NFRKB: variants seen among roughly 807,000 people sequenced by gnomAD.
NFRKB encodes the protein nuclear factor related to kappaB binding protein.
A neutral mutation model predicts 135.7 loss-of-function variants in NFRKB; 62 were observed. That is an observed-to-expected ratio of 0.46 (90% CI 0.37 to 0.56). The LOEUF is 0.56. NFRKB is among the 20% of genes least tolerant of loss of function. NFRKB has a pLI of 0.00. For synonymous variants in NFRKB, 678 were observed against 635.6 expected (o/e 1.07, Z -1.00); for missense variants, 1,545 against 1,662.0 (o/e 0.93, Z 1.22).
chr11:129,878,672 C>A, intron 13 of NFRKB, 129 bp from the exon 14 acceptor site: 1 of 780,412 alleles, frequency 1.3e-6, no homozygotes, highest in Non-Finnish European at 2.1e-6. Context: ...CAATCCTTCA[C>A]ACATCCACTG....
chr11:129,882,247 G>A (rs1169903235), intron 10 of NFRKB, 53 bp from the exon 11 acceptor site: 3 of 1,495,322 alleles, frequency 2.0e-6, no homozygotes, highest in African/African-American at 1.4e-5. Context: ...CACATCCCTA[G>A]ATTGATTCAG....
At position 129,864,561 on chromosome 11, in the gene NFRKB, C is replaced by T. The variant is rs1028927397; in HGVS notation, c.*164G>A. ...TTTCTCAGGGTGCTCCACTATGGCACGTGGCAGCAGAATCCAGGCCACGAA... is the reference window on the plus strand; with the variant it reads ...TTTCTCAGGGTGCTCCACTATGGCATGTGGCAGCAGAATCCAGGCCACGAA... On this transcript the variant is annotated 3_prime_UTR_variant, in exon 27 of 27. Transcript: ENST00000682444. 14 of 881,268 alleles carry T rather than the reference C, an allele frequency of 1.6e-5. No individual in the cohort carries two copies. In the Admixed American group the frequency reaches 1.7e-4, roughly 11 times the overall value. The allele number at this position is 881,268 out of a possible 1,614,324, so 54.6% of individuals were successfully genotyped here.
At chr11:129,882,240 A>C in intron 10 of NFRKB, 46 bp from the exon 11 acceptor site, 1 of 1,514,688 alleles carries the variant, frequency 6.6e-7, no homozygotes, top group Non-Finnish European at 9.0e-7. Context: ...CCAAGAACAC[A>C]TCCCTAGATT....
At chr11:129,890,629 G>C (rs1315973162) in intron 3 of NFRKB, among the ~76,000 whole-genome samples, 1 of 152,200 alleles carries the variant, frequency 6.6e-6, no homozygotes, top group African/African-American at 2.4e-5. Context: ...CTCCACACCT[G>C]TATGTTCAAA....
intron 2 of NFRKB, among the ~76,000 whole-genome samples, chr11:129,893,637 C>T (rs1949659414): frequency 6.6e-6 from 1 of 151,654 alleles, no homozygotes; most frequent in Admixed American, 6.6e-5. Context: ...TGAAAATCAA[C>T]ATACACTAGT....
chr11:129,892,796 T>C lies in NFRKB; in HGVS notation c.54A>G (p.Gly18=). 1 of 1,614,196 alleles carries C rather than the reference T, an allele frequency of 6.2e-7. No individual in the cohort carries two copies. Among genetic ancestry groups the C allele is most frequent in the African/African-American group, 1.3e-5 (1 of 75,052 alleles). Residue 18 remains glycine, a synonymous_variant, in exon 3 of 27, where the codon GGA becomes GGG. Transcript: ENST00000682444. ...CCATGATGCGCGTGCCATGGCCATC[T>C]CCACACGGACCAAGTTCCAGAGGAT... ...LTDPLELGPC[G]DGHGTRIMED...
At position 129,869,892 on chromosome 11, in the gene NFRKB, T is replaced by A; in HGVS notation, c.3133A>T (p.Thr1045Ser). ...GCTTCTGTTGGCTTGAGGTCAGGAGTCACTTTGACCACAGTGGTACCTGTT... is the reference window on the plus strand; with the variant it reads ...GCTTCTGTTGGCTTGAGGTCAGGAGACACTTTGACCACAGTGGTACCTGTT... ...TPTGTTVVKV[T>S]PDLKPTEASS... The change falls in exon 24 of 27, where the codon ACT becomes TCT. Residue 1045 changes from threonine (T) to serine (S), a missense_variant. Transcript: ENST00000682444. The A allele has an allele frequency of 1.2e-6, 2 of 1,614,152 alleles. No homozygotes were observed. The highest frequency in any genetic ancestry group is 1.6e-4 in the Middle Eastern group (1 of 6,062).
Position 129,864,505 on chromosome 11 carries a change from G to C in NFRKB, c.*220C>G. On this transcript the variant is annotated 3_prime_UTR_variant, in exon 27 of 27. Coordinates refer to ENST00000682444, the MANE Select transcript of NFRKB (RefSeq NM_001143835.2). ...AACAGAATATTCTCCTAGATTGGTA[G>C]AGAGCAGACCTTGGAACCCTGGAGT... 1.8e-6 allele frequency: 1 copy of C among 552,664 alleles called. No homozygotes were observed. Among genetic ancestry groups the C allele is most frequent in the Non-Finnish European group, 3.2e-6 (1 of 312,126 alleles). 34.2% of individuals were successfully genotyped at this position (552,664 alleles called of 1,614,324 possible).
Position 129,881,860 on chromosome 11 carries a change from G to C in NFRKB, c.1192-7C>G. 1 of 1,592,774 alleles carries C rather than the reference G, an allele frequency of 6.3e-7. No homozygotes were observed. Among genetic ancestry groups the C allele is most frequent in the South Asian group, 1.1e-5 (1 of 87,110 alleles). On this transcript the variant is annotated splice_polypyrimidine_tract_variant and splice_region_variant and intron_variant, in intron 11 of 26. Coordinates refer to ENST00000682444, the MANE Select transcript of NFRKB (RefSeq NM_001143835.2). ...CCAAAACTCGCTCCTCTAGCTGAGG[G>C]AAAGCAAAGGCAGAACCCAGTCAGA...
chr11:129,887,762 G>A (rs1033858364), intron 4 of NFRKB, among the ~76,000 whole-genome samples: 10 of 152,248 alleles, frequency 6.6e-5, no homozygotes, highest in African/African-American at 2.4e-4. Flanking sequence ...TGAAGGCCGG[G>A]TGCGGTGGCT....
At position 129,865,891 on chromosome 11, in the gene NFRKB, GC is replaced by G; in HGVS notation, c.3623del (p.Gly1208AlafsTer79). 6.2e-7 allele frequency: 1 copy of G among 1,614,060 alleles called. No homozygotes were observed. The highest frequency in any genetic ancestry group is 8.5e-7 in the Non-Finnish European group (1 of 1,180,008). ...ATAGTACTTACTTGGCTCCAAGGTT[GC>G]CTTTGATGATGGGGGCTGTGACCAC... ...KSVVTAPIIK[G>X]NLGANLSGLG... On this transcript the variant is annotated frameshift_variant, in exon 25 of 27. Transcript: ENST00000682444. LOFTEE classifies it high-confidence loss of function.
In NFRKB at chr11:129,864,940, G is replaced by C. The variant is rs781009123; in HGVS notation, c.3774+26C>G. 3 of 1,612,268 alleles carry C rather than the reference G, an allele frequency of 1.9e-6. No homozygotes were observed. The South Asian group carries it at 3.3e-5, about 18-fold the overall frequency. Reference sequence around the variant, plus strand: ...GTGGAATCAGAGAGGAGCCGGATATGGCCAAGAATTTGCCCTGGGCCTTAC... The same window carrying C: ...GTGGAATCAGAGAGGAGCCGGATATCGCCAAGAATTTGCCCTGGGCCTTAC... On this transcript the variant is annotated intron_variant, in intron 26 of 26. Coordinates refer to ENST00000682444, the MANE Select transcript of NFRKB (RefSeq NM_001143835.2).
Position 129,876,733 on chromosome 11 carries a change from T to C in NFRKB, c.1735A>G (p.Ile579Val). ...LRSDRPAYVT[I>V]LSLVRDAAAR... The stretch of plus-strand genomic sequence containing the variant: ...ACGTGCCACCTACCAAGAGACAGAA[T>C]GGTGACGTAGGCAGGCCGGTCGGAG... Residue 579 changes from isoleucine to valine, a missense_variant, in exon 17 of 27, where the codon ATT becomes GTT. Around this residue, in one of 3 missense-constraint regions of NFRKB, gnomAD observed 114 missense variants for 211.0 expected, o/e 0.54. Transcript: ENST00000682444. The C allele has an allele frequency of 6.2e-7, 1 of 1,612,984 alleles. No homozygotes were observed. Among genetic ancestry groups the C allele is most frequent in the South Asian group, 1.1e-5 (1 of 90,976 alleles).
At chr11:129,890,074 A>C (rs1949485361) in intron 3 of NFRKB, among the ~76,000 whole-genome samples, 1 of 147,258 alleles carries the variant, frequency 6.8e-6, no homozygotes, top group Admixed American at 6.9e-5. Flanking sequence ...ATTTGGCTAG[A>C]TCAAGGACAG....
chr11:129,893,389 C>CAAA (rs375172554), intron 2 of NFRKB: 19,823 of 115,644 alleles, frequency 0.17, 3,747 homozygotes, highest in African/African-American at 0.28. Context: ...CCCTTCTCTA[C>CAAA]AAAAAAAAAA....
intron 13 of NFRKB, 49 bp from the exon 14 acceptor site, chr11:129,878,592 T>C (rs768853238): frequency 2.6e-5 from 37 of 1,449,802 alleles, no homozygotes; most frequent in South Asian, 3.5e-5. Context: ...TAAGGTATTA[T>C]TGAGAATCCT....
rs1949731325 is a variant in NFRKB at position 129,895,500 on chromosome 11, A to T, written c.-106T>A. 1 of 152,294 alleles carries T rather than the reference A, an allele frequency of 6.6e-6. No individual in the cohort carries two copies. Among genetic ancestry groups the T allele is most frequent in the African/African-American group, 2.4e-5 (1 of 41,430 alleles). 9.4% of individuals were successfully genotyped at this position (152,294 alleles called of 1,614,324 possible). On this transcript the variant is annotated 5_prime_UTR_variant, in exon 1 of 27. Coordinates refer to ENST00000682444, the MANE Select transcript of NFRKB (RefSeq NM_001143835.2). ...CCGCCCCTTGCCCGCCCTCACCTGA[A>T]CCGCGGGCGCCGGCCCCCTAACCCG...
Position 129,873,757 on chromosome 11 carries a change from T to C in NFRKB, c.2538A>G (p.Lys846=). The change falls in exon 22 of 27, where the codon AAA becomes AAG. Residue 846 remains lysine (K), a synonymous_variant. Coordinates refer to ENST00000682444, the MANE Select transcript of NFRKB (RefSeq NM_001143835.2). Reference sequence around the variant, plus strand: ...CTTCCCTGTTTACCTGGGGCACTACTTTGGTCTGTGTGGCAGTGGCTGGAA... The same window carrying C: ...CTTCCCTGTTTACCTGGGGCACTACCTTGGTCTGTGTGGCAGTGGCTGGAA... The part of the protein sequence containing the change: ...IRVPATATQT[K]VVPQTVMATV... 6.2e-7 allele frequency: 1 copy of C among 1,613,872 alleles called. No homozygotes were observed. Among genetic ancestry groups the C allele is most frequent in the Non-Finnish European group, 8.5e-7 (1 of 1,179,794 alleles).
At chr11:129,878,426 C>T in intron 14 of NFRKB, 38 bp downstream of exon 14, 3 of 1,612,362 alleles carry the variant, frequency 1.9e-6, no homozygotes, top group Non-Finnish European at 2.5e-6. Flanking sequence ...CTCTGGAAAC[C>T]CAGTGAGAAG....
Sources: gnomAD v4.1 joint callset for allele counts (sites outside exome capture counted in the v4.1 genomes callset) on GRCh38, gnomAD v4.1.1 for gene constraint, gnomAD v4.1.1 regional missense constraint, MANE v1.5 for transcripts, NCBI Gene and HGNC (gene_info 2026-07-23, HGNC 2026-07-21) for gene names.